Variants in YARS2 observed in about 807,000 individuals in gnomAD.
YARS2 encodes tyrosyl-tRNA synthetase 2.
A neutral mutation model predicts 45.0 loss-of-function variants in YARS2; 38 were observed. That is an observed-to-expected ratio of 0.84 (90% CI 0.65 to 1.11). The LOEUF is 1.11. Among genes scored for constraint, YARS2 ranks in the 50% least tolerant of loss-of-function variants. YARS2 has a pLI of 0.00. For synonymous variants in YARS2, 287 were observed against 245.1 expected (o/e 1.17, Z -1.60); for missense variants, 602 against 599.8 (o/e 1.00, Z -0.04).
At chr12:32,753,061 C>T (rs943572287) in intron 2 of YARS2, among the ~76,000 whole-genome samples, 2 of 152,084 alleles carry the variant, frequency 1.3e-5, no homozygotes, top group Non-Finnish European at 2.9e-5. Flanking sequence ...ATGCTGTAAT[C>T]CCAGCACTTT....
intron 4 of YARS2, among the ~76,000 whole-genome samples, 168 bp from the exon 5 acceptor site, chr12:32,747,531 CTT>C (rs1955666245): frequency 6.6e-6 from 1 of 152,168 alleles, no homozygotes; most frequent in South Asian, 2.1e-4. Context: ...TTCTGCCTCT[CTT>C]TACTGCTCTT....
chr12:32,747,311 T>G lies in YARS2; in HGVS notation c.1327A>C (p.Asn443His). 1 of 1,614,114 alleles carries G rather than the reference T, an allele frequency of 6.2e-7. No homozygotes were observed. Among genetic ancestry groups the G allele is most frequent in the Admixed American group, 1.7e-5 (1 of 60,022 alleles). Residue 443 changes from asparagine (N) to histidine (H), a missense_variant, in exon 5 of 5, where the codon AAT (asparagine) becomes CAT (histidine). Coordinates refer to ENST00000324868, the MANE Select transcript of YARS2 (RefSeq NM_001040436.3). ...GVSINHQQVT[N>H]PESVLIVGQH... ...CCAACAATTAAAACACTCTCAGGAT[T>G]TGTTACTTGTTGGTGATTTATGCTG...
At chr12:32,751,228 G>A (rs996045582) in intron 2 of YARS2, among the ~76,000 whole-genome samples, 1 of 151,698 alleles carries the variant, frequency 6.6e-6, no homozygotes, top group African/African-American at 2.4e-5. Flanking sequence ...CACCACGCCT[G>A]GCTAATTTTT....
intron 2 of YARS2, chr12:32,752,883 C>A: frequency 3.6e-6 from 1 of 279,762 alleles, no homozygotes. Flanking sequence ...TGATAATCTT[C>A]CACTCTGTTC....
At chr12:32,752,162 G>T (rs1955757532) in intron 2 of YARS2, among the ~76,000 whole-genome samples, 2 of 152,078 alleles carry the variant, frequency 1.3e-5, no homozygotes, top group Non-Finnish European at 2.9e-5. Flanking sequence ...TATCCCTATT[G>T]TTAAGTGATA....
In YARS2 at chr12:32,753,241, A is replaced by G. The variant is rs962931622; in HGVS notation, c.947+677T>C. On this transcript the variant is annotated intron_variant, in intron 2 of 4. Transcript: ENST00000324868. The stretch of plus-strand genomic sequence containing the variant: ...CAGTGAGCCAAGACTGCGTCACTAC[A>G]CTCTAGCCTGGGCAATGGGAGTGAG... Among the ~76,000 whole-genome samples the G allele has an allele frequency of 8.5e-5, 13 of 152,282 alleles. No homozygotes were observed. The East Asian group carries it at 2.5e-3, about 29-fold the overall frequency.
chr12:32,750,597 T>C, intron 3 of YARS2, 122 bp downstream of exon 3: 1 of 1,304,458 alleles, frequency 7.7e-7, no homozygotes, highest in Non-Finnish European at 1.1e-6. Context: ...TTTAAATTGC[T>C]AAGTCAAATA....
intron 3 of YARS2, 23 bp from the exon 4 acceptor site, chr12:32,750,130 T>A (rs1256799304): frequency 1.2e-6 from 2 of 1,613,074 alleles, no homozygotes; most frequent in East Asian, 4.5e-5. Flanking sequence ...TTTTAAGAGC[T>A]ACATCATATA....
chr12:32,754,586 C>T (rs1368668192), intron 1 of YARS2, among the ~76,000 whole-genome samples: 4 of 152,136 alleles, frequency 2.6e-5, no homozygotes, highest in African/African-American at 9.7e-5. Flanking sequence ...AAAGCAGAGG[C>T]TAGCTACTCA....
chr12:32,750,539 C>T (rs1955723165), intron 3 of YARS2, among the ~76,000 whole-genome samples, 180 bp downstream of exon 3: 1 of 152,198 alleles, frequency 6.6e-6, no homozygotes, highest in Non-Finnish European at 1.5e-5. Flanking sequence ...TGGTATAATT[C>T]ATAAACTTAA....
intron 2 of YARS2, chr12:32,752,603 A>C (rs1389797449): frequency 5.0e-6 from 1 of 198,024 alleles, no homozygotes; most frequent in East Asian, 1.3e-4. Context: ...AAAATACAAA[A>C]ATTAGCTGGG....
At chr12:32,749,181 T>A (rs1414196059) in intron 4 of YARS2, among the ~76,000 whole-genome samples, 1 of 152,178 alleles carries the variant, frequency 6.6e-6, no homozygotes, top group Non-Finnish European at 1.5e-5. Flanking sequence ...AGAAATTCAG[T>A]TAATACTATA....
Position 32,755,462 on chromosome 12 carries a change from C to T in YARS2, c.413G>A (p.Arg138Gln), listed in dbSNP as rs1205614378. Residue 138 changes from arginine to glutamine, a missense_variant, in exon 1 of 5, where the codon CGA becomes CAA. Arg to Gln is a conservative substitution (Grantham distance 43). Transcript: ENST00000324868. ...EREALETERV[R>Q]ANARALRLGL... ...TAGGCGCAGAGCTCGCGCGTTGGCT[C>T]GCACGCGCTCTGTCTCCAGCGCCTC... The T allele has an allele frequency of 6.2e-7, 1 of 1,612,528 alleles. No homozygotes were observed. Among genetic ancestry groups the T allele is most frequent in the Non-Finnish European group, 8.5e-7 (1 of 1,179,564 alleles).
At chr12:32,753,087 G>A (rs1011390076) in intron 2 of YARS2, among the ~76,000 whole-genome samples, 20 of 152,080 alleles carry the variant, frequency 1.3e-4, no homozygotes, top group Non-Finnish European at 5.9e-5. Flanking sequence ...TCTGAGGCAG[G>A]TTTATCGCTT....
intron 2 of YARS2, among the ~76,000 whole-genome samples, 180 bp downstream of exon 2, chr12:32,753,738 C>G (rs150300455): frequency 9.3e-4 from 141 of 152,266 alleles, no homozygotes; most frequent in Admixed American, 3.6e-3. Context: ...CTGCTTTAAC[C>G]AACAAAGTGT....
Position 32,754,058 on chromosome 12 carries a change from G to A in YARS2, c.807C>T (p.Ile269=). 3.1e-6 allele frequency: 5 copies of A among 1,614,214 alleles called. No individual in the cohort carries two copies. The highest frequency in any genetic ancestry group is 4.2e-6 in the Non-Finnish European group (5 of 1,180,040). ...NKLTGEDVFG[I]TVPLITSTTG... is the part of the protein sequence containing the mutation. ...TTGTACTTGTAATTAGAGGAACGGT[G>A]ATTCCAAATACATCTTCTCCAGTCA... The change falls in exon 2 of 5, where the codon ATC becomes ATT. Residue 269 remains isoleucine, a synonymous_variant. Transcript: ENST00000324868.
At position 32,749,742 on chromosome 12, in the gene YARS2, G is replaced by A. The variant is rs766701172; in HGVS notation, c.1274+195C>T. Among the ~76,000 whole-genome samples the A allele has an allele frequency of 9.3e-5, 14 of 150,136 alleles. No individual in the cohort carries two copies. In the East Asian group the frequency reaches 1.8e-3, roughly 19 times the overall value. On this transcript the variant is annotated intron_variant, in intron 4 of 4. Coordinates refer to ENST00000324868, the MANE Select transcript of YARS2 (RefSeq NM_001040436.3). The stretch of plus-strand genomic sequence containing the variant: ...ACTACAGGCGCCTGCCACCATGCCC[G>A]GCTAATTTGTATTTTTAGTAGAGAC...
In YARS2 at chr12:32,746,976, G is replaced by T. The variant is rs997944907; in HGVS notation, c.*228C>A. ...AAAGAGATTAACCCTGAAAATCATGGTTTTCTATGGTAATCAAGCTTTGTA... is the reference window on the plus strand; with the variant it reads ...AAAGAGATTAACCCTGAAAATCATGTTTTTCTATGGTAATCAAGCTTTGTA... On this transcript the variant is annotated 3_prime_UTR_variant, in exon 5 of 5. Transcript: ENST00000324868. 1.0e-5 allele frequency: 5 copies of T among 490,640 alleles called. No homozygotes were observed. The East Asian group carries it at 1.9e-4, about 18-fold the overall frequency. 30.4% of individuals were successfully genotyped at this position (490,640 alleles called of 1,614,324 possible).
intron 2 of YARS2, among the ~76,000 whole-genome samples, 194 bp from the exon 3 acceptor site, chr12:32,751,068 TTTC>T (rs1182503368): frequency 1.4e-5 from 2 of 144,568 alleles, no homozygotes; most frequent in Admixed American, 1.4e-4. Flanking sequence ...TTGTTTTCAA[TTTC>T]TTTTTTTTTT....
Sources: allele counts gnomAD v4.1 joint callset (sites outside exome capture counted in the v4.1 genomes callset), GRCh38; gene constraint gnomAD v4.1.1; transcripts MANE v1.5; gene names NCBI Gene and HGNC (gene_info 2026-07-23, HGNC 2026-07-21).